HDAC6: variants seen among roughly 807,000 people sequenced by gnomAD.
The protein encoded by HDAC6 is protein deacetylase HDAC6.
HDAC6 carries 5 observed loss-of-function variants against 88.9 expected under a neutral mutation model. The ratio of observed to expected loss-of-function variants is 0.06; its 90% confidence interval spans 0.03 to 0.12. The LOEUF is 0.12. Ranked by LOEUF, HDAC6 falls within the 10% of genes least tolerant of loss-of-function variation. The pLI, the probability that HDAC6 is intolerant of heterozygous loss-of-function variation, is 1.00. For missense variants in HDAC6, 706 were observed against 1,014.4 expected (o/e 0.70, Z 4.13); for synonymous variants, 378 against 398.0 (o/e 0.95, Z 0.60).
intron 10 of HDAC6, among the ~76,000 whole-genome samples, chrX:48,810,070 C>CTT (rs782495768): frequency 1.1e-5 from 1 of 95,189 alleles, no homozygotes; most frequent in African/African-American, 3.8e-5. Context: ...TCTTGGTGTT[C>CTT]TTTTTTTTTT....
intron 10 of HDAC6, chrX:48,810,827 A>G (rs972551153): frequency 9.1e-6 from 1 of 109,819 alleles, no homozygotes; most frequent in Non-Finnish European, 1.9e-5. Context: ...CAGGCTTCTT[A>G]TTTTTTATCT....
chrX:48,816,746 A>AG, intron 19 of HDAC6, 113 bp downstream of exon 19: 1 of 235,012 alleles, frequency 4.3e-6, no homozygotes, highest in Non-Finnish European at 7.6e-6. Context: ...GAAAGGGGCC[A>AG]TGGGGAGGGG....
At chrX:48,805,408 G>A in intron 4 of HDAC6, 30 bp from the exon 5 acceptor site, 1 of 1,115,637 alleles carries the variant, frequency 9.0e-7, no homozygotes, top group Admixed American at 2.2e-5. Flanking sequence ...GTGTCCTCAT[G>A]CATCTGTGAC....
chrX:48,815,789 C>A, intron 16 of HDAC6, 95 bp from the exon 17 acceptor site: 1 of 1,061,627 alleles, frequency 9.4e-7, no homozygotes, highest in Non-Finnish European at 1.3e-6. Context: ...GGTTTCAGGC[C>A]TCCCACCCCT....
chrX:48,803,949 G>A (rs781998776), intron 4 of HDAC6, among the ~76,000 whole-genome samples: 3 of 112,369 alleles, frequency 2.7e-5, no homozygotes, highest in Non-Finnish European at 5.6e-5. Flanking sequence ...GATCACTTGA[G>A]GTCAGGAGTT....
At chrX:48,816,718 A>T in intron 19 of HDAC6, 85 bp downstream of exon 19, 1 of 634,796 alleles carries the variant, frequency 1.6e-6, no homozygotes, top group Non-Finnish European at 2.1e-6. Context: ...GCTCTGAGAG[A>T]GTCAAGCAGG....
chrX:48,814,201 A>G, intron 10 of HDAC6: 1 of 399,985 alleles, frequency 2.5e-6, no homozygotes, highest in East Asian at 4.3e-5. Flanking sequence ...GTAATGGATA[A>G]ATAAAGATAA....
chrX:48,811,563 T>G (rs1330111946), intron 10 of HDAC6, among the ~76,000 whole-genome samples: 2 of 112,270 alleles, frequency 1.8e-5, no homozygotes, highest in African/African-American at 6.5e-5. Flanking sequence ...GAATGTCCAC[T>G]GACAGGTTGC....
At chrX:48,821,152 T>C (rs782615746) in intron 23 of HDAC6, among the ~76,000 whole-genome samples, 1 of 111,038 alleles carries the variant, frequency 9.0e-6, no homozygotes, top group African/African-American at 3.3e-5. Flanking sequence ...GTTACTGTTA[T>C]GCGTTGTTCA....
chrX:48,802,552 G>T (rs782266253), intron 1 of HDAC6, 111 bp from the exon 2 acceptor site: 6 of 1,123,799 alleles, frequency 5.3e-6, no homozygotes, highest in Non-Finnish European at 7.1e-6. Flanking sequence ...ATCAGATCGC[G>T]TAAGGAATGG....
rs368582393 is a variant in HDAC6 at position 48,815,608 on chromosome X, C to T, written c.1290C>T (p.Ala430=). 1 of 1,209,000 alleles carries T rather than the reference C, an allele frequency of 8.3e-7. No homozygotes were observed. The highest frequency in any genetic ancestry group is 1.8e-5 in the African/African-American group (1 of 57,127). Reference sequence around the variant, plus strand: ...CTTCAGTTTCCTGTGCTCTGGAAGCCCTTGAGCCCTTCTGGGAGGTTCTTG... The same window carrying T: ...CTTCAGTTTCCTGTGCTCTGGAAGCTCTTGAGCCCTTCTGGGAGGTTCTTG... ...AQASVSCALE[A]LEPFWEVLVR... is the part of the protein sequence containing the mutation. Residue 430 remains alanine (A), a synonymous_variant, in exon 16 of 29, where the codon GCC becomes GCT. Transcript: ENST00000334136.
At chrX:48,807,516 T>C (rs2062836747) in intron 8 of HDAC6, among the ~76,000 whole-genome samples, 1 of 112,311 alleles carries the variant, frequency 8.9e-6, no homozygotes, top group Non-Finnish European at 1.9e-5. Context: ...TTTATTTTTA[T>C]TTATTTATTT....
upstream of HDAC6, chrX:48,801,631 G>A (rs907101231): frequency 8.2e-6 from 2 of 244,406 alleles, no homozygotes; most frequent in Admixed American, 5.8e-5. Flanking sequence ...TTACGTAGGC[G>A]CAGCACAGCT....
rs1236426492 is a variant in HDAC6 at position 48,802,955 on chromosome X, G to A, written c.178G>A (p.Gly60Ser). The change falls in exon 3 of 29, where the codon GGC becomes AGC. Residue 60 changes from glycine to serine, a missense_variant. Transcript: ENST00000334136. ...GAAGAAAGGCAAAATGAAGAAGCTC[G>A]GCCAAGCAATGGAAGAAGACCTAAT... ...VKKKGKMKKLGQAMEEDLIVG... is the reference protein window; with the variant it reads ...VKKKGKMKKLSQAMEEDLIVG... 5.0e-6 allele frequency: 6 copies of A among 1,210,710 alleles called. No homozygotes were observed. The highest frequency in any genetic ancestry group is 6.7e-6 in the Non-Finnish European group (6 of 894,856).
chrX:48,811,813 C>T (rs923361156), intron 10 of HDAC6, among the ~76,000 whole-genome samples: 2 of 111,616 alleles, frequency 1.8e-5, no homozygotes, highest in Non-Finnish European at 3.8e-5. Flanking sequence ...TTAATGTTTT[C>T]CTCCGACGTT....
intron 10 of HDAC6, among the ~76,000 whole-genome samples, chrX:48,810,220 C>T (rs781864802): frequency 9.1e-6 from 1 of 109,646 alleles, no homozygotes; most frequent in East Asian, 2.9e-4. Context: ...GGACTGCAGG[C>T]ATGTGCCACC....
At position 48,808,239 on chromosome X, in the gene HDAC6, C is replaced by A. The variant is rs782440465; in HGVS notation, c.738-19C>A. On this transcript the variant is annotated intron_variant, in intron 9 of 28. Coordinates refer to ENST00000334136, the MANE Select transcript of HDAC6 (RefSeq NM_006044.4). Reference sequence around the variant, plus strand: ...CCTTGATCTCCTTGCACAGAGTCCCCTCTCTCTGCTGCTCCTAGGGTCCTT... The same window carrying A: ...CCTTGATCTCCTTGCACAGAGTCCCATCTCTCTGCTGCTCCTAGGGTCCTT... 1.6e-5 allele frequency: 19 copies of A among 1,192,838 alleles called. No individual in the cohort carries two copies. The highest frequency in any genetic ancestry group is 2.2e-5 in the Non-Finnish European group (19 of 881,448).
intron 10 of HDAC6, among the ~76,000 whole-genome samples, chrX:48,808,952 T>C (rs1388331298): frequency 1.8e-5 from 2 of 112,396 alleles, no homozygotes; most frequent in Non-Finnish European, 3.8e-5. Context: ...CACATGTTCT[T>C]CGACAACTTG....
intron 11 of HDAC6, 41 bp downstream of exon 11, chrX:48,814,607 C>G: frequency 8.3e-7 from 1 of 1,207,275 alleles, no homozygotes; most frequent in Non-Finnish European, 1.1e-6. Context: ...TGAGGCCCAG[C>G]CCCGCCCTTC....
Sources: gnomAD v4.1 joint callset for allele counts (sites outside exome capture counted in the v4.1 genomes callset) on GRCh38, gnomAD v4.1.1 for gene constraint, MANE v1.5 for transcripts, NCBI Gene and HGNC (gene_info 2026-07-23, HGNC 2026-07-21) for gene names.